Variants in SPAG9 observed in about 807,000 individuals in gnomAD.
SPAG9 encodes sperm associated antigen 9.
Under a neutral mutation model 166.5 loss-of-function variants are expected in SPAG9, and 35 were observed. The ratio of observed to expected loss-of-function variants is 0.21; its 90% CI spans 0.16 to 0.28. The LOEUF (loss-of-function observed/expected upper bound fraction) is 0.28, where lower values mean the gene tolerates loss of function less well. SPAG9 is among the 10% of genes least tolerant of loss of function. SPAG9 has a pLI of 1.00. For missense variants in SPAG9, 1,235 were observed against 1,603.3 expected, an observed-to-expected ratio of 0.77 and a Z score of 3.92; for synonymous variants, 534 against 565.5, an observed-to-expected ratio of 0.94 and a Z score of 0.79.
chr17:51,022,067 G>A (rs1219367825), intron 6 of SPAG9, among the ~76,000 whole-genome samples: 2 of 148,056 alleles, frequency 1.4e-5, no homozygotes, highest in African/African-American at 5.0e-5. Flanking sequence ...AGGTTGCAGT[G>A]AGCTGAGATC....
At chr17:51,014,656 A>G (rs901787993) in intron 8 of SPAG9, 1 of 228,928 alleles carries the variant, frequency 4.4e-6, no homozygotes, top group South Asian at 1.6e-4. Flanking sequence ...TAGATTACCT[A>G]TGTCACAAGA....
At chr17:50,966,416 G>A in intron 29 of SPAG9, 29 bp from the exon 30 acceptor site, 1 of 1,295,496 alleles carries the variant, frequency 7.7e-7, no homozygotes, top group African/African-American at 1.5e-5. Context: ...ACTCAAGTTA[G>A]GCTGAACACA....
At chr17:51,100,667 TCTGGTA>T (rs2048782844) in intron 1 of SPAG9, among the ~76,000 whole-genome samples, 1 of 152,042 alleles carries the variant, frequency 6.6e-6, no homozygotes, top group Admixed American at 6.6e-5. Flanking sequence ...ACATCTGTAA[TCTGGTA>T]CTTTGGGACG....
chr17:50,999,804 T>C (rs1271268640), intron 13 of SPAG9, 87 bp from the exon 14 acceptor site: 11 of 1,102,434 alleles, frequency 1.0e-5, no homozygotes, highest in Non-Finnish European at 1.5e-5. Context: ...AAGAAGTTCA[T>C]GGGATACACA....
At chr17:51,094,540 A>G (rs991010089) in intron 1 of SPAG9, among the ~76,000 whole-genome samples, 1 of 152,194 alleles carries the variant, frequency 6.6e-6, no homozygotes, top group Non-Finnish European at 1.5e-5. Context: ...TCTTTCTTAT[A>G]TACAAACTAT....
At chr17:51,096,474 T>A (rs1176543758) in intron 1 of SPAG9, among the ~76,000 whole-genome samples, 1 of 152,158 alleles carries the variant, frequency 6.6e-6, no homozygotes, top group East Asian at 1.9e-4. Flanking sequence ...AGAAGTCTTT[T>A]ATACTACTGA....
At position 51,036,213 on chromosome 17, in the gene SPAG9, C is replaced by T. The variant is rs188010950; in HGVS notation, c.742-4491G>A. Among the ~76,000 whole-genome samples the T allele has an allele frequency of 2.6e-5, 4 of 152,286 alleles. 1 individual carries two copies. The highest frequency in any genetic ancestry group is 2.6e-4 in the Admixed American group (4 of 15,298). On this transcript the variant is annotated intron_variant, in intron 5 of 29. Coordinates refer to ENST00000262013, the MANE Select transcript of SPAG9 (RefSeq NM_001130528.3). ...CCCTCTGCTCTGCCAATCTCCACCT[C>T]AAGTTATCCTTTTTCTCTCCTCCCA...
chr17:51,047,011 A>C, intron 4 of SPAG9: 1 of 1,181,310 alleles, frequency 8.5e-7, no homozygotes, highest in Non-Finnish European at 1.1e-6. Context: ...ATGGCTAGCT[A>C]ACCCTTTCAA....
intron 1 of SPAG9, among the ~76,000 whole-genome samples, chr17:51,118,688 C>T (rs891891176): frequency 2.0e-5 from 3 of 152,162 alleles, no homozygotes; most frequent in Non-Finnish European, 4.4e-5. Context: ...AATTGTGATC[C>T]TATCATTATT....
At chr17:51,074,576 C>A (rs2047914830) in intron 2 of SPAG9, among the ~76,000 whole-genome samples, 1 of 152,150 alleles carries the variant, frequency 6.6e-6, no homozygotes, top group Admixed American at 6.5e-5. Context: ...GGGAGAAATT[C>A]TTTGGAGGAT....
rs543463999 is a variant in SPAG9 at position 51,049,700 on chromosome 17, C to T, written c.496-2231G>A. Among the ~76,000 whole-genome samples, 3 of 152,178 alleles carry T rather than the reference C, an allele frequency of 2.0e-5. No homozygotes were observed. The South Asian group carries it at 6.2e-4, about 32-fold the overall frequency. Reference sequence around the variant, plus strand: ...GGCTTATTGCAATCTCTGCCTCCCACATTCAAGCGATTCTGCCTCCCAAGT... The same window carrying T: ...GGCTTATTGCAATCTCTGCCTCCCATATTCAAGCGATTCTGCCTCCCAAGT... On this transcript the variant is annotated intron_variant, in intron 3 of 29. Transcript: ENST00000262013.
intron 5 of SPAG9, among the ~76,000 whole-genome samples, chr17:51,037,689 T>TATATATA (rs1568028348): frequency 2.4e-5 from 2 of 82,580 alleles, no homozygotes; most frequent in African/African-American, 4.2e-5. Context: ...ATATATAGTG[T>TATATATA]GTGTGTGTGT....
intron 27 of SPAG9, chr17:50,975,738 G>T: frequency 7.9e-6 from 5 of 632,608 alleles, no homozygotes; most frequent in Non-Finnish European, 1.4e-5. Context: ...CACCTGCTGC[G>T]ATGCAGTGAC....
chr17:51,092,546 G>A (rs1352433616), intron 1 of SPAG9, among the ~76,000 whole-genome samples: 6 of 151,944 alleles, frequency 3.9e-5, no homozygotes, highest in Admixed American at 3.9e-4. Flanking sequence ...TGGTGTTGTG[G>A]TTATATTTGT....
At chr17:51,001,956 C>A in intron 12 of SPAG9, 111 bp from the exon 13 acceptor site, 2 of 934,950 alleles carry the variant, frequency 2.1e-6, no homozygotes, top group Non-Finnish European at 1.6e-6. Context: ...AATTTTTAAT[C>A]TAGTAGATCA....
At chr17:50,995,354 C>A in intron 17 of SPAG9, 90 bp downstream of exon 17, 3 of 1,291,256 alleles carry the variant, frequency 2.3e-6, no homozygotes, top group Non-Finnish European at 3.2e-6. Context: ...ATAACCTCAC[C>A]ATAGAAGTAA....
At chr17:51,057,078 T>C (rs1209985900) in intron 2 of SPAG9, among the ~76,000 whole-genome samples, 1 of 151,974 alleles carries the variant, frequency 6.6e-6, no homozygotes, top group Non-Finnish European at 1.5e-5. Flanking sequence ...CAGGAAAGAA[T>C]AACTGATAGC....
chr17:51,033,471 C>T (rs1194765350), intron 5 of SPAG9, among the ~76,000 whole-genome samples: 1 of 152,110 alleles, frequency 6.6e-6, no homozygotes, highest in African/African-American at 2.4e-5. Flanking sequence ...AAGAAACTTC[C>T]CATTCCTACT....
At chr17:51,031,849 T>A in intron 5 of SPAG9, 127 bp from the exon 6 acceptor site, 2 of 766,756 alleles carry the variant, frequency 2.6e-6, no homozygotes, top group South Asian at 2.9e-5. Context: ...GTGTTTAAAA[T>A]GAGGGTTTGG....
Sources: allele counts gnomAD v4.1 joint callset (sites outside exome capture counted in the v4.1 genomes callset), GRCh38; gene constraint gnomAD v4.1.1; transcripts MANE v1.5; gene names NCBI Gene and HGNC (gene_info 2026-07-23, HGNC 2026-07-21).